RAB38: variants seen among roughly 807,000 people sequenced by gnomAD.
RAB38 encodes RAB38, member RAS oncogene family, also known as ras-related protein Rab-38.
Under a neutral mutation model 18.4 loss-of-function variants are expected in RAB38, and 15 were observed. The observed-to-expected ratio is 0.82, with a 90% CI of 0.55 to 1.26. RAB38 has a LOEUF of 1.26. Among genes scored for constraint, RAB38 ranks in the 50% most tolerant of loss-of-function variants. RAB38 has a pLI of 0.00. For synonymous variants in RAB38, 101 were observed against 104.4 expected, an observed-to-expected ratio of 0.97 and a Z score of 0.20; for missense variants, 294 against 267.4, an observed-to-expected ratio of 1.10 and a Z score of -0.69.
chr11:88,040,522 A>G, the RAB38 span, among the ~76,000 whole-genome samples: 2 of 152,172 alleles, frequency 1.3e-5, no homozygotes, highest in African/African-American at 2.4e-5. Context: ...CCTGGGTAAC[A>G]TGGTGAAAAC....
At chr11:88,161,097 C>T (rs1205680383) in intron 1 of RAB38, among the ~76,000 whole-genome samples, 1 of 152,064 alleles carries the variant, frequency 6.6e-6, no homozygotes, top group African/African-American at 2.4e-5. Context: ...CTCTTATATG[C>T]CCAAGAAAAA....
At chr11:88,114,269 T>C (rs1028991476) in intron 2 of RAB38, 129 bp from the exon 3 acceptor site, 3 of 944,004 alleles carry the variant, frequency 3.2e-6, no homozygotes, top group Non-Finnish European at 3.1e-6. Flanking sequence ...CCCTCCTGTT[T>C]CCCTCACTCT....
At chr11:88,040,300 T>C in the RAB38 span, among the ~76,000 whole-genome samples, 1 of 152,208 alleles carries the variant, frequency 6.6e-6, no homozygotes, top group Non-Finnish European at 1.5e-5. Context: ...CCTCTCCCTG[T>C]GTCCTCACAT....
chr11:88,030,414 T>C, the RAB38 span, among the ~76,000 whole-genome samples: 2 of 151,920 alleles, frequency 1.3e-5, no homozygotes, highest in Non-Finnish European at 2.9e-5. Context: ...CACAAAAAAC[T>C]CTTCAAAAAA....
At chr11:88,068,704 C>T in the RAB38 span, among the ~76,000 whole-genome samples, 1 of 152,342 alleles carries the variant, frequency 6.6e-6, no homozygotes, top group East Asian at 1.9e-4. Context: ...CTCAGTCAGG[C>T]TGTTCTAAAT....
chr11:88,021,968 C>CAAGA, the RAB38 span, among the ~76,000 whole-genome samples: 3 of 151,546 alleles, frequency 2.0e-5, no homozygotes, highest in African/African-American at 7.3e-5. Flanking sequence ...TGCACCTGGC[C>CAAGA]AAGAAAGAGA....
the RAB38 span, among the ~76,000 whole-genome samples, chr11:87,841,155 T>G: frequency 6.6e-6 from 1 of 152,162 alleles, no homozygotes; most frequent in Non-Finnish European, 1.5e-5. Context: ...AAAGTATCAG[T>G]GCTATGGTTT....
chr11:87,862,341 G>A, the RAB38 span, among the ~76,000 whole-genome samples: 1 of 152,064 alleles, frequency 6.6e-6, no homozygotes, highest in South Asian at 2.1e-4. Context: ...AAAAAGGAAG[G>A]AGATCATGTC....
In RAB38 at chr11:88,157,177, A is replaced by G. The variant is rs532975083; in HGVS notation, c.203-7222T>C. ...CCAGCACACAAACAGAAAACAAAAA[A>G]GAGCCCAGGTTGTCATTCCTACGTC... On this transcript the variant is annotated intron_variant, in intron 1 of 2. Transcript: ENST00000243662. Among the ~76,000 whole-genome samples, 107 of 152,348 alleles carry G rather than the reference A, an allele frequency of 7.0e-4. 1 individual carries two copies. Among genetic ancestry groups the G allele is most frequent in the Admixed American group, 2.1e-3 (32 of 15,304 alleles).
the RAB38 span, among the ~76,000 whole-genome samples, chr11:88,008,068 G>A: frequency 6.6e-6 from 1 of 152,032 alleles, no homozygotes; most frequent in South Asian, 2.1e-4. Context: ...GTGACATGTG[G>A]GCAGGAAGAA....
the RAB38 span, among the ~76,000 whole-genome samples, chr11:87,919,339 C>A: frequency 1.3e-5 from 2 of 150,832 alleles, no homozygotes; most frequent in African/African-American, 4.9e-5. Context: ...TATTGAATTT[C>A]TTTTCTTCAT....
the RAB38 span, among the ~76,000 whole-genome samples, chr11:88,009,261 A>G: frequency 6.6e-6 from 1 of 152,138 alleles, no homozygotes; most frequent in Non-Finnish European, 1.5e-5. Context: ...CTCCTAAAAA[A>G]TCAAGCATAA....
At chr11:87,872,873 T>C in the RAB38 span, among the ~76,000 whole-genome samples, 2 of 151,638 alleles carry the variant, frequency 1.3e-5, no homozygotes, top group Admixed American at 1.3e-4. Context: ...GGACGTATTG[T>C]TTACTTCCAA....
chr11:87,946,308 A>T, the RAB38 span, among the ~76,000 whole-genome samples: 1 of 152,126 alleles, frequency 6.6e-6, no homozygotes, highest in Admixed American at 6.6e-5. Flanking sequence ...GGCTAGCTTT[A>T]GGTCTTCCTT....
At chr11:88,074,101 A>G in the RAB38 span, among the ~76,000 whole-genome samples, 497 of 152,222 alleles carry the variant, frequency 3.3e-3, 6 homozygotes, top group African/African-American at 0.012. Context: ...TGAGCAAGAG[A>G]TATAAAGCTT....
the RAB38 span, among the ~76,000 whole-genome samples, chr11:87,938,515 G>A: frequency 6.6e-6 from 1 of 151,974 alleles, no homozygotes; most frequent in Non-Finnish European, 1.5e-5. Context: ...ACTGCTATGC[G>A]TAGGGGAGAG....
At chr11:88,004,011 T>C in the RAB38 span, among the ~76,000 whole-genome samples, 4 of 137,584 alleles carry the variant, frequency 2.9e-5, no homozygotes, top group African/African-American at 1.1e-4. Flanking sequence ...AAAAAAGGTA[T>C]ATGTACCTTC....
chr11:88,024,212 TA>T, the RAB38 span, among the ~76,000 whole-genome samples: 1 of 151,820 alleles, frequency 6.6e-6, no homozygotes, highest in African/African-American at 2.4e-5. Context: ...TTTGATAAAA[TA>T]AATGGGCAAA....
the RAB38 span, among the ~76,000 whole-genome samples, chr11:88,032,401 G>A: frequency 6.6e-6 from 1 of 152,170 alleles, no homozygotes; most frequent in Non-Finnish European, 1.5e-5. Context: ...AAACTTAAGA[G>A]CTTCTGCACA....
Sources: allele counts gnomAD v4.1 joint callset (sites outside exome capture counted in the v4.1 genomes callset), GRCh38; gene constraint gnomAD v4.1.1; transcripts MANE v1.5; gene names NCBI Gene and HGNC (gene_info 2026-07-23, HGNC 2026-07-21).